Variants in WDR59 observed in about 807,000 individuals in gnomAD.
WDR59 encodes the protein GATOR2 complex protein WDR59.
WDR59 carries 100 observed loss-of-function variants against 131.2 expected under a neutral mutation model. The observed-to-expected ratio is 0.76, with a 90% CI of 0.65 to 0.90. WDR59 has a LOEUF of 0.90. Among genes scored for constraint, WDR59 ranks in the 40% least tolerant of loss-of-function variants. The probability of loss-of-function intolerance (pLI) is 0.00; values close to 1 mark genes in which losing one functional copy is unlikely to be tolerated. For synonymous variants in WDR59, 601 were observed against 466.2 expected, an observed-to-expected ratio of 1.29 and a Z score of -3.72; for missense variants, 1,203 against 1,262.2, an observed-to-expected ratio of 0.95 and a Z score of 0.71.
At chr16:74,875,685 G>A (rs1015007152) in intron 25 of WDR59, among the ~76,000 whole-genome samples, 2 of 152,224 alleles carry the variant, frequency 1.3e-5, no homozygotes, top group Admixed American at 1.3e-4. Context: ...TGGCCAACCT[G>A]AATTACATGG....
chr16:74,921,427 CTTTA>C (rs769476806), intron 10 of WDR59, among the ~76,000 whole-genome samples: 13 of 152,186 alleles, frequency 8.5e-5, no homozygotes, highest in Admixed American at 3.3e-4. Context: ...TTCCTAAAAA[CTTTA>C]TTTCCATCCA....
intron 3 of WDR59, among the ~76,000 whole-genome samples, chr16:74,953,851 A>C (rs2033140655): frequency 6.6e-6 from 1 of 151,504 alleles, no homozygotes; most frequent in Non-Finnish European, 1.5e-5. Context: ...AATACAAAAA[A>C]ATTAGCCGGG....
At chr16:74,951,571 G>C in intron 3 of WDR59, 28 bp from the exon 4 acceptor site, 1 of 1,558,082 alleles carries the variant, frequency 6.4e-7, no homozygotes, top group South Asian at 1.2e-5. Context: ...AAGGCCACAG[G>C]CAAGTATGTT....
At chr16:74,967,557 T>C (rs542299887) in intron 1 of WDR59, among the ~76,000 whole-genome samples, 3 of 152,242 alleles carry the variant, frequency 2.0e-5, no homozygotes, top group Non-Finnish European at 4.4e-5. Flanking sequence ...TCCCAATCAA[T>C]TGACCTTAAG....
chr16:74,967,552 A>G lies in WDR59; in HGVS notation c.55-1730T>C, dbSNP rs530259161. Among the ~76,000 whole-genome samples the G allele has an allele frequency of 2.4e-4, 36 of 152,288 alleles. No homozygotes were observed. The South Asian group carries it at 6.4e-3, about 27-fold the overall frequency. On this transcript the variant is annotated intron_variant, in intron 1 of 25. Coordinates refer to ENST00000262144, the MANE Select transcript of WDR59 (RefSeq NM_030581.4). ...TTTTATGGATGTAATTAAGGTCCCA[A>G]TCAATTGACCTTAAGATAGAACTCG...
intron 18 of WDR59, among the ~76,000 whole-genome samples, chr16:74,894,896 T>C (rs1017828270): frequency 1.3e-5 from 2 of 152,228 alleles, no homozygotes; most frequent in Non-Finnish European, 2.9e-5. Flanking sequence ...GGGTGCAAAT[T>C]AAATGGAAAA....
rs146122118 is a variant in WDR59 at position 74,894,751 on chromosome 16, C to A, written c.1867-939G>T. On this transcript the variant is annotated intron_variant, in intron 18 of 25. Transcript: ENST00000262144. ...TACTACATGTACTGGCTCAGCAGGACCCTCGGCAAGTTTTTATTTGTTATG... is the reference window on the plus strand; with the variant it reads ...TACTACATGTACTGGCTCAGCAGGAACCTCGGCAAGTTTTTATTTGTTATG... Among the ~76,000 whole-genome samples the A allele has an allele frequency of 2.3e-3, 349 of 152,230 alleles. 9 individuals carry two copies. In the East Asian group the frequency reaches 0.051, roughly 22 times the overall value.
intron 8 of WDR59, among the ~76,000 whole-genome samples, chr16:74,937,453 C>T (rs2031893595): frequency 6.6e-6 from 1 of 152,178 alleles, no homozygotes; most frequent in African/African-American, 2.4e-5. Flanking sequence ...TTCTCCTTTA[C>T]TTATATCTGT....
intron 1 of WDR59, among the ~76,000 whole-genome samples, chr16:74,978,241 G>A (rs1437835504): frequency 1.4e-5 from 2 of 146,952 alleles, no homozygotes. Flanking sequence ...AGAATCGCTT[G>A]AACTCAGGAG....
rs199513415 is a variant in WDR59 at position 74,951,571 on chromosome 16, G to A, written c.241-28C>T. 5.5e-5 allele frequency: 85 copies of A among 1,558,082 alleles called. No individual in the cohort carries two copies. In the East Asian group the frequency reaches 1.8e-3, roughly 34 times the overall value. ...GAAAAGAAAGGAAAGAAGGCCACAG[G>A]CAAGTATGTTGGGATATATGGTCTT... On this transcript the variant is annotated intron_variant, in intron 3 of 25. Transcript: ENST00000262144.
At chr16:74,958,580 G>T in intron 2 of WDR59, among the ~76,000 whole-genome samples, 1 of 27,178 alleles carries the variant, frequency 3.7e-5, no homozygotes. Flanking sequence ...GGGACAGGCT[G>T]AGACTCCATC....
chr16:74,936,654 T>C (rs1169255869), intron 8 of WDR59, among the ~76,000 whole-genome samples: 2 of 151,982 alleles, frequency 1.3e-5, no homozygotes, highest in Non-Finnish European at 2.9e-5. Context: ...GGTTAAACCC[T>C]GTCTGTACTA....
chr16:74,896,919 C>G (rs983361835), intron 18 of WDR59, among the ~76,000 whole-genome samples: 3 of 152,186 alleles, frequency 2.0e-5, no homozygotes, highest in Non-Finnish European at 4.4e-5. Flanking sequence ...ATGAGGCTTA[C>G]TCTAGGTCAC....
intron 18 of WDR59, among the ~76,000 whole-genome samples, chr16:74,895,976 C>T (rs1410893766): frequency 6.6e-6 from 1 of 152,102 alleles, no homozygotes; most frequent in Non-Finnish European, 1.5e-5. Flanking sequence ...GGTACACAAG[C>T]TCATTCACTG....
At chr16:74,951,642 G>T in intron 3 of WDR59, 99 bp from the exon 4 acceptor site, 1 of 976,876 alleles carries the variant, frequency 1.0e-6, no homozygotes, top group Non-Finnish European at 1.6e-6. Context: ...GGGATCTCAT[G>T]CATGGCAAAG....
chr16:74,964,364 A>T (rs2033679765), intron 2 of WDR59, among the ~76,000 whole-genome samples: 1 of 143,112 alleles, frequency 7.0e-6, no homozygotes, highest in Non-Finnish European at 1.5e-5. Context: ...GGGCAACAAG[A>T]GCGAAACATC....
At chr16:74,975,291 T>C (rs1400993228) in intron 1 of WDR59, among the ~76,000 whole-genome samples, 1 of 148,626 alleles carries the variant, frequency 6.7e-6, no homozygotes, top group Admixed American at 6.7e-5. Context: ...AACCCAGGAG[T>C]TGGAGAATGC....
At chr16:74,975,826 C>T (rs1407004809) in intron 1 of WDR59, among the ~76,000 whole-genome samples, 1 of 151,754 alleles carries the variant, frequency 6.6e-6, no homozygotes, top group African/African-American at 2.4e-5. Context: ...TTCTCCCATT[C>T]ATCACCACAT....
At chr16:74,938,301 G>T (rs760093832) in intron 7 of WDR59, 35 bp from the exon 8 acceptor site, 1 of 1,393,752 alleles carries the variant, frequency 7.2e-7, no homozygotes, top group Non-Finnish European at 9.5e-7. Flanking sequence ...TATCGATTTA[G>T]AAAGAACTCT....
Sources: gnomAD v4.1 joint callset for allele counts (sites outside exome capture counted in the v4.1 genomes callset) on GRCh38, gnomAD v4.1.1 for gene constraint, MANE v1.5 for transcripts, NCBI Gene and HGNC (gene_info 2026-07-23, HGNC 2026-07-21) for gene names.